The following LHX8 variants were observed in gnomAD, a reference collection of about 807,000 sequenced individuals.
The protein encoded by LHX8 is LIM homeobox 8, also known as LIM/homeobox protein Lhx8.
LHX8 carries 12 observed loss-of-function variants against 40.3 expected under a neutral mutation model. That is an observed-to-expected ratio of 0.30 (90% CI 0.19 to 0.48). The LOEUF (loss-of-function observed/expected upper bound fraction) is 0.48, where lower values mean the gene tolerates loss of function less well. LHX8 is among the 20% of genes least tolerant of loss of function. LHX8 has a pLI of 0.99. For synonymous variants in LHX8, 179 were observed against 162.0 expected (o/e 1.10, Z -0.80); for missense variants, 344 against 433.7 (o/e 0.79, Z 1.84).
chr1:75,175,348 G>A, the LHX8 span, among the ~76,000 whole-genome samples: 1 of 152,294 alleles, frequency 6.6e-6, no homozygotes, highest in African/African-American at 2.4e-5. Context: ...GGATCAAATG[G>A]TAGATGTACT....
chr1:75,136,444 G>C (rs1478410954), intron 1 of LHX8, among the ~76,000 whole-genome samples, 159 bp from the exon 2 acceptor site: 1 of 151,510 alleles, frequency 6.6e-6, no homozygotes, highest in Non-Finnish European at 1.5e-5. Context: ...GCGCCAGCCC[G>C]CCCGCGGCGC....
the LHX8 span, among the ~76,000 whole-genome samples, chr1:75,190,246 CT>C: frequency 6.6e-6 from 1 of 152,052 alleles, no homozygotes; most frequent in African/African-American, 2.4e-5. Context: ...TCTGAAAAAA[CT>C]TTTTTCTTTA....
At position 75,143,842 on chromosome 1, in the gene LHX8, C is replaced by A; in HGVS notation, c.581-3C>A. The A allele has an allele frequency of 6.2e-7, 1 of 1,608,868 alleles. No individual in the cohort carries two copies. The highest frequency in any genetic ancestry group is 1.7e-5 in the Admixed American group (1 of 59,916). On this transcript the variant is annotated splice_polypyrimidine_tract_variant and splice_region_variant and intron_variant, in intron 5 of 8. Coordinates refer to ENST00000356261, the MANE Select transcript of LHX8 (RefSeq NM_001256114.2). ...ACATATATAGTGTGTTTTTTAAATG[C>A]AGGGAATGGGATTAGTGTGGAAGGT... is the stretch of plus-strand genomic sequence containing the variant.
At chr1:75,172,433 A>G in the LHX8 span, among the ~76,000 whole-genome samples, 6 of 152,232 alleles carry the variant, frequency 3.9e-5, no homozygotes, top group Non-Finnish European at 8.8e-5. Context: ...TTGACACAAC[A>G]TAACTTCTAA....
intron 1 of LHX8, among the ~76,000 whole-genome samples, chr1:75,128,964 G>T (rs1647894811): frequency 6.6e-6 from 1 of 152,146 alleles, no homozygotes; most frequent in South Asian, 2.1e-4. Flanking sequence ...GAAGAACATT[G>T]ACCTACCCTT....
upstream of LHX8, chr1:75,130,714 T>C (rs777522184): frequency 6.2e-7 from 1 of 1,614,086 alleles, no homozygotes; most frequent in South Asian, 1.1e-5. Flanking sequence ...TCTGAGGGGT[T>C]ATGCAGATTC....
At chr1:75,133,382 T>C (rs764719841), upstream of LHX8, among the ~76,000 whole-genome samples, 24 of 152,172 alleles carry the variant, frequency 1.6e-4, no homozygotes, top group Non-Finnish European at 2.8e-4. Flanking sequence ...GGCAAGATCA[T>C]TTCGCTCTTT....
chr1:75,157,224 T>G, intron 8 of LHX8, 148 bp downstream of exon 8: 12 of 824,710 alleles, frequency 1.5e-5, no homozygotes, highest in Non-Finnish European at 2.2e-5. Flanking sequence ...AGAGCAAAAT[T>G]ATCCAAACAT....
In LHX8 at chr1:75,137,258, C is replaced by A; in HGVS notation, c.234C>A (p.Leu78=). The stretch of plus-strand genomic sequence containing the variant: ...TGGAGATCGTGGACAAATACCTTCT[C>A]AAGGTAGGATAGGGCCTCGGGTGCG... ...CGLEIVDKYL[L]KVNDLCWHVR... is the part of the protein sequence containing the mutation. The change falls in exon 3 of 9, where the codon CTC becomes CTA. Residue 78 remains leucine (L), a synonymous_variant. Coordinates refer to ENST00000356261, the MANE Select transcript of LHX8 (RefSeq NM_001256114.2). 6.2e-7 allele frequency: 1 copy of A among 1,613,466 alleles called. No individual in the cohort carries two copies. The highest frequency in any genetic ancestry group is 1.1e-5 in the South Asian group (1 of 91,068).
chr1:75,150,536 G>T, intron 7 of LHX8, among the ~76,000 whole-genome samples: 1 of 152,106 alleles, frequency 6.6e-6, no homozygotes, highest in Non-Finnish European at 1.5e-5. Context: ...CTATTTAAAT[G>T]GGACGTAGTA....
At chr1:75,148,705 T>C in intron 7 of LHX8, 23 bp downstream of exon 7, 1 of 1,542,324 alleles carries the variant, frequency 6.5e-7, no homozygotes, top group Non-Finnish European at 8.9e-7. Context: ...CTTTTTTTTT[T>C]TTTTAAGGTT....
chr1:75,172,748 C>T, the LHX8 span, among the ~76,000 whole-genome samples: 1 of 152,172 alleles, frequency 6.6e-6, no homozygotes, highest in African/African-American at 2.4e-5. Context: ...ATCCAATCCC[C>T]TTATATTACT....
the LHX8 span, among the ~76,000 whole-genome samples, chr1:75,167,378 C>A: frequency 3.3e-5 from 5 of 152,124 alleles, no homozygotes; most frequent in Non-Finnish European, 5.9e-5. Flanking sequence ...GCACAATAAA[C>A]CCTGAAAGTT....
At chr1:75,130,601 A>T, upstream of LHX8, 1 of 987,168 alleles carries the variant, frequency 1.0e-6, no homozygotes, top group Non-Finnish European at 1.6e-6. Context: ...TGGCGTGAAT[A>T]AAAGCACCCC....
At chr1:75,165,714 G>A (rs1649017687), downstream of LHX8, among the ~76,000 whole-genome samples, 1 of 152,142 alleles carries the variant, frequency 6.6e-6, no homozygotes, top group African/African-American at 2.4e-5. Flanking sequence ...AATGAGGGTG[G>A]TAGAAAAACA....
At chr1:75,130,697 T>G, upstream of LHX8, 1 of 1,613,576 alleles carries the variant, frequency 6.2e-7, no homozygotes. Flanking sequence ...TATACAGCTC[T>G]GCCATCTCTG....
chr1:75,194,477 C>T, the LHX8 span, among the ~76,000 whole-genome samples: 1 of 152,172 alleles, frequency 6.6e-6, no homozygotes, highest in Admixed American at 6.5e-5. Flanking sequence ...AGGCAAACAC[C>T]GTGAGGATTT....
chr1:75,129,723 C>T (rs751678638), upstream of LHX8, among the ~76,000 whole-genome samples: 4 of 152,128 alleles, frequency 2.6e-5, no homozygotes, highest in African/African-American at 7.2e-5. Context: ...CCACACTGGC[C>T]GAGTTGGGCT....
At chr1:75,179,263 A>G in the LHX8 span, among the ~76,000 whole-genome samples, 28 of 151,854 alleles carry the variant, frequency 1.8e-4, 1 homozygote, top group Admixed American at 1.6e-3. Flanking sequence ...TCTACTATTG[A>G]CAGTGGTGTG....
Sources: allele counts gnomAD v4.1 joint callset (sites outside exome capture counted in the v4.1 genomes callset), GRCh38; gene constraint gnomAD v4.1.1; transcripts MANE v1.5; gene names NCBI Gene and HGNC (gene_info 2026-07-23, HGNC 2026-07-21).